Variants in IL1RAPL2 observed in about 807,000 individuals in gnomAD.
IL1RAPL2 encodes X-linked interleukin-1 receptor accessory protein-like 2.
IL1RAPL2 carries 3 observed loss-of-function variants against 44.1 expected under a neutral mutation model. The observed-to-expected ratio is 0.07, with a 90% CI of 0.03 to 0.18. IL1RAPL2 has a LOEUF of 0.18. IL1RAPL2 is among the 10% of genes least tolerant of loss of function. The pLI, the probability that IL1RAPL2 is intolerant of heterozygous loss-of-function variation, is 1.00. For synonymous variants in IL1RAPL2, 181 were observed against 178.8 expected, an observed-to-expected ratio of 1.01 and a Z score of -0.10; for missense variants, 391 against 496.4, an observed-to-expected ratio of 0.79 and a Z score of 2.02.
At chrX:105,102,769 A>G (rs1602955498) in intron 2 of IL1RAPL2, among the ~76,000 whole-genome samples, 5 of 112,120 alleles carry the variant, frequency 4.5e-5, no homozygotes, top group Admixed American at 3.8e-4. Context: ...GGCTATTGCA[A>G]TAACCCAAAA....
chrX:104,692,128 C>T lies in IL1RAPL2; in HGVS notation c.82+33133C>T, dbSNP rs147782816. On this transcript the variant is annotated intron_variant, in intron 2 of 10. Transcript: ENST00000372582. ...GGAGAAGTCTTTTAAATTACTGGTGCCTCAGTTTCCCTTTTATATAGATGG... is the reference window on the plus strand; with the variant it reads ...GGAGAAGTCTTTTAAATTACTGGTGTCTCAGTTTCCCTTTTATATAGATGG... Among the ~76,000 whole-genome samples, 714 of 110,893 alleles carry T rather than the reference C, an allele frequency of 6.4e-3. 3 individuals are homozygous for T. The highest frequency in any genetic ancestry group is 0.022 in the African/African-American group (680 of 30,495).
intron 2 of IL1RAPL2, among the ~76,000 whole-genome samples, chrX:104,764,507 T>G (rs1194588461): frequency 8.9e-6 from 1 of 111,987 alleles, no homozygotes; most frequent in Non-Finnish European, 1.9e-5. Flanking sequence ...CAAACAAGGA[T>G]AATTTGACTT....
At chrX:105,054,147 A>G (rs1218242710) in intron 2 of IL1RAPL2, among the ~76,000 whole-genome samples, 1 of 111,463 alleles carries the variant, frequency 9.0e-6, no homozygotes, top group Non-Finnish European at 1.9e-5. Context: ...CACATGGCAC[A>G]CTAATACACA....
At chrX:104,663,755 G>A (rs1186861543) in intron 2 of IL1RAPL2, among the ~76,000 whole-genome samples, 1 of 104,642 alleles carries the variant, frequency 9.6e-6, no homozygotes, top group Non-Finnish European at 1.9e-5. Context: ...ATAAGACAAA[G>A]TTTACAGCAA....
intron 6 of IL1RAPL2, among the ~76,000 whole-genome samples, chrX:105,611,026 A>T (rs916602419): frequency 9.0e-6 from 1 of 111,691 alleles, no homozygotes; most frequent in Non-Finnish European, 1.9e-5. Flanking sequence ...GAAGGCAGTA[A>T]TATTGATTAT....
intron 3 of IL1RAPL2, chrX:105,220,711 C>CTCA (rs2033953859): frequency 4.4e-6 from 1 of 228,496 alleles, no homozygotes; most frequent in Admixed American, 6.4e-5. Flanking sequence ...TCAGGGCCAA[C>CTCA]GTCGGCTTTT....
intron 2 of IL1RAPL2, among the ~76,000 whole-genome samples, chrX:104,676,399 CT>C (rs950792264): frequency 1.8e-5 from 2 of 111,388 alleles, no homozygotes; most frequent in Non-Finnish European, 3.8e-5. Flanking sequence ...GTTGAAAATT[CT>C]TTTCTTTAAG....
chrX:104,665,899 T>G (rs915022760), intron 2 of IL1RAPL2, among the ~76,000 whole-genome samples: 7 of 111,648 alleles, frequency 6.3e-5, no homozygotes, highest in Non-Finnish European at 1.1e-4. Context: ...GTAAACATTT[T>G]TGTAGGCTAG....
At chrX:105,749,278 G>T (rs1356481107) in intron 9 of IL1RAPL2, among the ~76,000 whole-genome samples, 175 bp downstream of exon 9, 1 of 112,121 alleles carries the variant, frequency 8.9e-6, no homozygotes, top group African/African-American at 3.2e-5. Context: ...GAAAAGAGGA[G>T]AATATATTGA....
chrX:104,626,055 G>C (rs1414982340), intron 1 of IL1RAPL2, among the ~76,000 whole-genome samples: 1 of 110,870 alleles, frequency 9.0e-6, no homozygotes, highest in South Asian at 3.8e-4. Flanking sequence ...CATCAGATAT[G>C]ATTCTAAGTG....
chrX:105,166,116 A>G (rs1040566157), intron 2 of IL1RAPL2, among the ~76,000 whole-genome samples: 7 of 111,455 alleles, frequency 6.3e-5, no homozygotes, highest in South Asian at 3.8e-4. Context: ...CAAGGATTAG[A>G]TAAGTTAATA....
intron 1 of IL1RAPL2, among the ~76,000 whole-genome samples, chrX:104,626,605 C>T (rs1035597244): frequency 4.5e-5 from 5 of 110,203 alleles, no homozygotes; most frequent in African/African-American, 6.6e-5. Context: ...GTAGGAAATA[C>T]AGATCAGTGT....
chrX:105,642,021 C>G (rs5916937), intron 6 of IL1RAPL2, among the ~76,000 whole-genome samples: 1,740 of 110,823 alleles, frequency 0.016, 19 homozygotes, highest in Non-Finnish European at 0.024. Flanking sequence ...TTCCTTATTC[C>G]CTCACGGTAT....
Position 105,370,597 on chromosome X carries a change from T to A in IL1RAPL2, c.697+103056T>A, listed in dbSNP as rs751747351. Among the ~76,000 whole-genome samples the A allele has an allele frequency of 2.7e-5, 3 of 112,512 alleles. No individual in the cohort carries two copies. The South Asian group carries it at 1.1e-3, about 41-fold the overall frequency. The stretch of plus-strand genomic sequence containing the variant: ...GGTGCGTAGTATTCTATGGTGTATA[T>A]GTAACACATTTTCTTTACCTAGTCT... On this transcript the variant is annotated intron_variant, in intron 5 of 10. Coordinates refer to ENST00000372582, the MANE Select transcript of IL1RAPL2 (RefSeq NM_017416.2).
At chrX:105,044,289 T>A (rs2031806483) in intron 2 of IL1RAPL2, among the ~76,000 whole-genome samples, 1 of 111,004 alleles carries the variant, frequency 9.0e-6, no homozygotes. Flanking sequence ...CTCCCAAGTG[T>A]TAATAGTTTT....
intron 5 of IL1RAPL2, among the ~76,000 whole-genome samples, chrX:105,481,488 C>T: frequency 8.9e-6 from 1 of 112,047 alleles, no homozygotes; most frequent in South Asian, 3.7e-4. Flanking sequence ...GTAAATACAT[C>T]CATAGTCCAT....
At chrX:105,094,352 A>G (rs1445548371) in intron 2 of IL1RAPL2, among the ~76,000 whole-genome samples, 1 of 112,124 alleles carries the variant, frequency 8.9e-6, no homozygotes, top group Non-Finnish European at 1.9e-5. Context: ...GATAGATCCA[A>G]TAAAATATTT....
chrX:104,655,961 G>A (rs747208531), intron 1 of IL1RAPL2, among the ~76,000 whole-genome samples: 1 of 111,921 alleles, frequency 8.9e-6, no homozygotes, highest in Non-Finnish European at 1.9e-5. Context: ...AATTTGCGTA[G>A]AGGTGTTTAT....
chrX:105,665,994 C>T (rs1417022407), intron 6 of IL1RAPL2, among the ~76,000 whole-genome samples: 1 of 108,673 alleles, frequency 9.2e-6, no homozygotes, highest in African/African-American at 3.4e-5. Context: ...GATCTCCTGA[C>T]CTCGTGATCC....
Sources: gnomAD v4.1 joint callset for allele counts (sites outside exome capture counted in the v4.1 genomes callset) on GRCh38, gnomAD v4.1.1 for gene constraint, MANE v1.5 for transcripts, NCBI Gene and HGNC (gene_info 2026-07-23, HGNC 2026-07-21) for gene names.